Variants in PTPRD observed in about 807,000 individuals in gnomAD.
The protein encoded by PTPRD is protein tyrosine phosphatase receptor type D.
In PTPRD, 34 loss-of-function variants were observed where a neutral mutation model predicts 214.5. The observed-to-expected ratio is 0.16, with a 90% CI of 0.12 to 0.21. The LOEUF (loss-of-function observed/expected upper bound fraction) is 0.21, where lower values mean the gene tolerates loss of function less well. PTPRD is among the 10% of genes least tolerant of loss of function. The probability of loss-of-function intolerance (pLI) is 1.00; values close to 1 mark genes in which losing one functional copy is unlikely to be tolerated. For synonymous variants in PTPRD, 1,128 were observed against 845.7 expected, an observed-to-expected ratio of 1.33 and a Z score of -5.79; for missense variants, 2,545 against 2,398.7, an observed-to-expected ratio of 1.06 and a Z score of -1.27.
intron 7 of PTPRD, among the ~76,000 whole-genome samples, chr9:9,635,633 G>T (rs1055938105): frequency 7.2e-5 from 11 of 152,106 alleles, no homozygotes; most frequent in Non-Finnish European, 1.3e-4. Flanking sequence ...CAGCCTTGTT[G>T]TCATTCTTTT....
intron 14 of PTPRD, among the ~76,000 whole-genome samples, chr9:8,582,021 A>G (rs1458198852): frequency 1.3e-5 from 2 of 151,904 alleles, no homozygotes; most frequent in Non-Finnish European, 2.9e-5. Context: ...TATGTCTATA[A>G]ATTTCAAAAA....
intron 34 of PTPRD, among the ~76,000 whole-genome samples, chr9:8,441,461 G>A (rs1263161001): frequency 6.6e-6 from 1 of 151,932 alleles, no homozygotes; most frequent in Non-Finnish European, 1.5e-5. Flanking sequence ...AGTTTTCAAT[G>A]TTGACTCAAA....
intron 14 of PTPRD, among the ~76,000 whole-genome samples, chr9:8,562,405 T>G (rs1412931680): frequency 6.6e-6 from 1 of 151,924 alleles, no homozygotes; most frequent in Non-Finnish European, 1.5e-5. Context: ...TGGTTTTTCC[T>G]TCTCATAATA....
intron 7 of PTPRD, among the ~76,000 whole-genome samples, chr9:9,616,879 G>A (rs2094903659): frequency 6.6e-6 from 1 of 152,236 alleles, no homozygotes; most frequent in Admixed American, 6.5e-5. Context: ...CTGAGAGACT[G>A]TTTGTTATGA....
chr9:10,391,979 G>C (rs1586998705), intron 2 of PTPRD, among the ~76,000 whole-genome samples: 1 of 151,708 alleles, frequency 6.6e-6, no homozygotes, highest in Non-Finnish European at 1.5e-5. Flanking sequence ...ATGGTCACCT[G>C]TTGGCAAAAC....
intron 11 of PTPRD, among the ~76,000 whole-genome samples, chr9:8,830,987 T>C (rs1251859056): frequency 6.6e-6 from 1 of 152,194 alleles, no homozygotes; most frequent in Non-Finnish European, 1.5e-5. Context: ...TTTAGAATAC[T>C]CAAGGACTAG....
chr9:10,484,649 C>T (rs1278416217), intron 2 of PTPRD, among the ~76,000 whole-genome samples: 1 of 151,882 alleles, frequency 6.6e-6, no homozygotes, highest in African/African-American at 2.4e-5. Flanking sequence ...TGATTTGGAG[C>T]ACCTTTTCAT....
chr9:8,379,581 C>T (rs2084325792), intron 37 of PTPRD, among the ~76,000 whole-genome samples: 1 of 152,138 alleles, frequency 6.6e-6, no homozygotes, highest in African/African-American at 2.4e-5. Context: ...TATAAATGAA[C>T]TATCTCCATT....
At chr9:8,321,526 T>TATATATAA (rs1327118226) in intron 44 of PTPRD, among the ~76,000 whole-genome samples, 147 of 115,728 alleles carry the variant, frequency 1.3e-3, no homozygotes, top group East Asian at 2.4e-3. Context: ...TATATATATA[T>TATATATAA]AAAAGGTATA....
chr9:8,890,684 C>T (rs1250230733), intron 11 of PTPRD, among the ~76,000 whole-genome samples: 1 of 152,174 alleles, frequency 6.6e-6, no homozygotes, highest in Admixed American at 6.5e-5. Flanking sequence ...GTATATTTTA[C>T]TTTTCTCTCC....
intron 8 of PTPRD, among the ~76,000 whole-genome samples, chr9:9,479,222 C>CA (rs2095280475): frequency 1.1e-5 from 1 of 93,482 alleles, no homozygotes; most frequent in Admixed American, 1.3e-4. Flanking sequence ...CACGCCCCCC[C>CA]CCCCCCCACA....
intron 8 of PTPRD, among the ~76,000 whole-genome samples, chr9:9,468,509 C>T (rs966056093): frequency 6.6e-6 from 1 of 151,964 alleles, no homozygotes; most frequent in Non-Finnish European, 1.5e-5. Context: ...ACTTTCAGCA[C>T]TCTTCAGGCT....
rs1159042777 is a variant in PTPRD at position 8,493,055 on chromosome 9, C to T, written c.2350-76G>A. 4.0e-6 allele frequency: 5 copies of T among 1,235,934 alleles called. No homozygotes were observed. The African/African-American group carries it at 7.4e-5, about 18-fold the overall frequency. The allele number at this position is 1,235,934 out of a possible 1,614,324, so 76.6% of individuals were successfully genotyped here. On this transcript the variant is annotated intron_variant, in intron 26 of 45. Transcript: ENST00000381196. ...CTGGGGGAAAAACAAGGCCGTCTGCCTTCATTCTGCAAATGCTCGCACATC... is the reference window on the plus strand; with the variant it reads ...CTGGGGGAAAAACAAGGCCGTCTGCTTTCATTCTGCAAATGCTCGCACATC...
intron 11 of PTPRD, among the ~76,000 whole-genome samples, chr9:8,918,475 C>T (rs1397036657): frequency 3.9e-5 from 6 of 152,058 alleles, no homozygotes; most frequent in Non-Finnish European, 7.3e-5. Context: ...ACTTTTAGAA[C>T]ATCAGCATTT....
At chr9:9,747,502 G>C (rs139688715) in intron 6 of PTPRD, among the ~76,000 whole-genome samples, 3 of 151,216 alleles carry the variant, frequency 2.0e-5, no homozygotes, top group African/African-American at 7.3e-5. Context: ...GGGGAAAAAT[G>C]GTGCCTCAGA....
At chr9:10,465,674 A>G (rs1209642349) in intron 2 of PTPRD, among the ~76,000 whole-genome samples, 2 of 152,208 alleles carry the variant, frequency 1.3e-5, no homozygotes, top group African/African-American at 2.4e-5. Context: ...ACAATTCCCT[A>G]CAGTACTCAG....
intron 8 of PTPRD, among the ~76,000 whole-genome samples, chr9:9,547,287 G>T (rs944127814): frequency 1.1e-4 from 16 of 152,036 alleles, no homozygotes; most frequent in African/African-American, 3.9e-4. Flanking sequence ...CCCTGAATGT[G>T]CAGAGCTTAC....
At chr9:8,460,689 G>A in intron 32 of PTPRD, 118 bp from the exon 33 acceptor site, 1 of 951,320 alleles carries the variant, frequency 1.1e-6, no homozygotes, top group Non-Finnish European at 1.5e-6. Context: ...AGTGTGTGAT[G>A]CAATATTAGC....
intron 2 of PTPRD, among the ~76,000 whole-genome samples, chr9:10,469,317 G>T (rs565115123): frequency 6.6e-6 from 1 of 152,110 alleles, no homozygotes; most frequent in Non-Finnish European, 1.5e-5. Flanking sequence ...TTATAAAAGT[G>T]TCTAAACTAT....
Sources: gnomAD v4.1 joint callset for allele counts (sites outside exome capture counted in the v4.1 genomes callset) on GRCh38, gnomAD v4.1.1 for gene constraint, MANE v1.5 for transcripts, NCBI Gene and HGNC (gene_info 2026-07-23, HGNC 2026-07-21) for gene names.